The following ATP8A2 variants were observed in gnomAD, a reference collection of about 807,000 sequenced individuals.
ATP8A2 encodes ATPase phospholipid transporting 8A2, also known as phospholipid-transporting ATPase IB.
Under a neutral mutation model 165.6 loss-of-function variants are expected in ATP8A2, and 100 were observed. The ratio of observed to expected loss-of-function variants is 0.60; its 90% CI spans 0.51 to 0.71. The LOEUF is 0.71. Ranked by LOEUF, ATP8A2 falls within the 30% of genes least tolerant of loss-of-function variation. The probability of loss-of-function intolerance (pLI) is 0.00; values close to 1 mark genes in which losing one functional copy is unlikely to be tolerated. For missense variants in ATP8A2, 1,227 were observed against 1,479.5 expected (o/e 0.83, Z 2.80); for synonymous variants, 543 against 548.8 (o/e 0.99, Z 0.15).
chr13:25,527,030 CTTT>C (rs1480622992), intron 2 of ATP8A2, among the ~76,000 whole-genome samples: 4 of 151,982 alleles, frequency 2.6e-5, no homozygotes, highest in African/African-American at 9.7e-5. Context: ...CTACTTGGAG[CTTT>C]TTTACTTCTC....
At chr13:25,529,165 C>T (rs1419416951) in intron 2 of ATP8A2, among the ~76,000 whole-genome samples, 5 of 152,178 alleles carry the variant, frequency 3.3e-5, no homozygotes, top group Middle Eastern at 3.4e-3. Context: ...TAAGAATAGG[C>T]TCAGAGTGAT....
At chr13:25,473,052 G>A (rs1400316919) in intron 2 of ATP8A2, among the ~76,000 whole-genome samples, 1 of 152,212 alleles carries the variant, frequency 6.6e-6, no homozygotes, top group Non-Finnish European at 1.5e-5. Context: ...AAGATGGTGG[G>A]TCTAGGGAAA....
intron 30 of ATP8A2, among the ~76,000 whole-genome samples, chr13:25,843,346 A>G (rs1951788512): frequency 6.6e-6 from 1 of 152,186 alleles, no homozygotes; most frequent in Admixed American, 6.5e-5. Context: ...CAGACTGGAA[A>G]AAACAGTAAC....
chr13:25,602,321 G>C (rs1404220631), intron 24 of ATP8A2, among the ~76,000 whole-genome samples: 1 of 152,120 alleles, frequency 6.6e-6, no homozygotes, highest in Non-Finnish European at 1.5e-5. Context: ...TGGCGGGGAG[G>C]GGAGAAGCTG....
chr13:25,886,140 A>T (rs1953145335), intron 33 of ATP8A2, among the ~76,000 whole-genome samples: 3 of 152,232 alleles, frequency 2.0e-5, no homozygotes, highest in African/African-American at 7.2e-5. Flanking sequence ...GAAATTGACA[A>T]GCAATGTTAT....
At chr13:25,921,504 T>A (rs1335463487) in intron 33 of ATP8A2, among the ~76,000 whole-genome samples, 1 of 150,824 alleles carries the variant, frequency 6.6e-6, no homozygotes, top group East Asian at 1.9e-4. Flanking sequence ...GCACCTGTAG[T>A]CCTAGATACT....
intron 1 of ATP8A2, among the ~76,000 whole-genome samples, chr13:25,449,666 T>A (rs1443812213): frequency 6.6e-6 from 1 of 152,198 alleles, no homozygotes; most frequent in Non-Finnish European, 1.5e-5. Context: ...CATCTCCAAG[T>A]ATAATTGCGG....
intron 2 of ATP8A2, among the ~76,000 whole-genome samples, chr13:25,529,446 G>C (rs933761015): frequency 6.6e-6 from 1 of 152,196 alleles, no homozygotes; most frequent in Non-Finnish European, 1.5e-5. Flanking sequence ...TGCATGAGGA[G>C]TGTCGTTATA....
chr13:25,736,868 C>T (rs1159412253), intron 25 of ATP8A2, among the ~76,000 whole-genome samples: 1 of 152,076 alleles, frequency 6.6e-6, no homozygotes, highest in Non-Finnish European at 1.5e-5. Context: ...GGAATATAAC[C>T]AGCGATTGTA....
intron 24 of ATP8A2, chr13:25,591,329 C>A: frequency 2.2e-6 from 1 of 456,698 alleles, no homozygotes; most frequent in South Asian, 1.5e-5. Context: ...CCTACCTCAT[C>A]CCCTGGCAGT....
At chr13:25,669,020 CCCAGTGTTTGAG>C (rs1352789065) in intron 24 of ATP8A2, among the ~76,000 whole-genome samples, 1 of 152,036 alleles carries the variant, frequency 6.6e-6, no homozygotes, top group African/African-American at 2.4e-5. Context: ...GTCTAGTAAG[CCCAGTGTTTGAG>C]CTTCTTGGGG....
At chr13:25,789,965 A>G (rs561351987) in intron 27 of ATP8A2, among the ~76,000 whole-genome samples, 1 of 152,344 alleles carries the variant, frequency 6.6e-6, no homozygotes, top group East Asian at 1.9e-4. Flanking sequence ...AGCTGGCAAA[A>G]GAAATGGAGA....
At chr13:25,579,008 G>T (rs2039695559) in intron 21 of ATP8A2, 109 bp downstream of exon 21, 2 of 773,772 alleles carry the variant, frequency 2.6e-6, no homozygotes, top group East Asian at 2.6e-5. Flanking sequence ...ATCCCCTCCT[G>T]TGCCCATGGC....
chr13:26,001,886 A>G (rs1425519162), intron 35 of ATP8A2, among the ~76,000 whole-genome samples: 2 of 152,124 alleles, frequency 1.3e-5, no homozygotes, highest in African/African-American at 4.8e-5. Context: ...AGTCCCATTT[A>G]TCTGTCTTTT....
At chr13:25,493,408 G>A (rs1252065199) in intron 2 of ATP8A2, among the ~76,000 whole-genome samples, 2 of 151,986 alleles carry the variant, frequency 1.3e-5, no homozygotes, top group East Asian at 3.9e-4. Context: ...ATTTGATGGG[G>A]GCGCTTAAAC....
chr13:25,687,329 A>G (rs1216174198), intron 24 of ATP8A2, among the ~76,000 whole-genome samples: 11 of 152,224 alleles, frequency 7.2e-5, no homozygotes, highest in Admixed American at 7.2e-4. Flanking sequence ...TTGAAAGGTT[A>G]TATGATCCAC....
In ATP8A2 at chr13:25,530,093, T is replaced by C. The variant is rs1399441854; in HGVS notation, c.316T>C (p.Leu106=). The change falls in exon 3 of 37, where the codon TTA becomes CTA. Residue 106 remains leucine, a synonymous_variant. Coordinates refer to ENST00000381655, the MANE Select transcript of ATP8A2 (RefSeq NM_016529.6). ...ANAFFLFIAL[L]QQIPDVSPTG... is the part of the protein sequence containing the mutation. ...TGCCTTCTTTCTCTTCATTGCCTTA[T>C]TACAGGTAATGGTTTTTTAACAGTT... 2 of 1,576,930 alleles carry C rather than the reference T, an allele frequency of 1.3e-6. No homozygotes were observed. Among genetic ancestry groups the C allele is most frequent in the Non-Finnish European group, 8.7e-7 (1 of 1,148,566 alleles).
chr13:25,868,176 T>C (rs1054615595), intron 33 of ATP8A2: 6 of 454,956 alleles, frequency 1.3e-5, no homozygotes, highest in Non-Finnish European at 2.2e-5. Context: ...CTTAGGACTT[T>C]AGCATATTTA....
chr13:25,868,520 T>C (rs1246502680), intron 33 of ATP8A2, among the ~76,000 whole-genome samples: 2 of 151,772 alleles, frequency 1.3e-5, no homozygotes, highest in South Asian at 2.1e-4. Flanking sequence ...GGCCCAATTA[T>C]TCATTGAAGT....
Sources: gnomAD v4.1 joint callset for allele counts (sites outside exome capture counted in the v4.1 genomes callset) on GRCh38, gnomAD v4.1.1 for gene constraint, MANE v1.5 for transcripts, NCBI Gene and HGNC (gene_info 2026-07-23, HGNC 2026-07-21) for gene names.